COL4A1: variants seen among roughly 807,000 people sequenced by gnomAD.
The protein encoded by COL4A1 is collagen alpha-1(IV) chain.
COL4A1 carries 40 observed loss-of-function variants against 216.6 expected under a neutral mutation model. That is an observed-to-expected ratio of 0.18 (90% confidence interval 0.14 to 0.24). The LOEUF (loss-of-function observed/expected upper bound fraction) is 0.24. COL4A1 is among the 10% of genes least tolerant of loss of function. COL4A1 has a pLI of 1.00. For synonymous variants in COL4A1, 839 were observed against 810.7 expected, an observed-to-expected ratio of 1.03 and a Z score of -0.59; for missense variants, 1,628 against 2,196.8, an observed-to-expected ratio of 0.74 and a Z score of 5.18.
chr13:110,210,075 G>A (rs1354088902), intron 9 of COL4A1, 33 bp from the exon 10 acceptor site: 1 of 1,613,884 alleles, frequency 6.2e-7, no homozygotes, highest in South Asian at 1.1e-5. Context: ...GAGTTCAGAT[G>A]CGAACTGGGA....
Position 110,174,477 on chromosome 13 carries a change from C to A in COL4A1, c.3375G>T (p.Leu1125Phe). Reference sequence around the variant, plus strand: ...CTCCTTTGACACCAGGGATGCCATCCAATCCTGGGAGGCCTTTGTCACCTT... The same window carrying A: ...CTCCTTTGACACCAGGGATGCCATCAAATCCTGGGAGGCCTTTGTCACCTT... ...GEKGDKGLPG[L>F]DGIPGVKGEA... Residue 1125 changes from leucine (L) to phenylalanine (F), a missense_variant, in exon 39 of 52, where the codon TTG (leucine) becomes TTT (phenylalanine). Around this residue, in one of 8 missense-constraint regions of COL4A1, gnomAD observed 345 missense variants for 476.9 expected, o/e 0.72. Transcript: ENST00000375820. 1 of 1,614,130 alleles carries A rather than the reference C, an allele frequency of 6.2e-7. No individual in the cohort carries two copies. Among genetic ancestry groups the A allele is most frequent in the Non-Finnish European group, 8.5e-7 (1 of 1,180,022 alleles).
intron 1 of COL4A1, among the ~76,000 whole-genome samples, chr13:110,284,299 A>T (rs988270057): frequency 1.3e-5 from 2 of 152,146 alleles, no homozygotes; most frequent in African/African-American, 4.8e-5. Flanking sequence ...GAATCTGGGA[A>T]CCCACAAGCC....
At chr13:110,199,698 G>A (rs917779194) in intron 20 of COL4A1, among the ~76,000 whole-genome samples, 2 of 152,172 alleles carry the variant, frequency 1.3e-5, no homozygotes, top group African/African-American at 4.8e-5. Context: ...AGAGAGCAGC[G>A]CAGCGACTTT....
At chr13:110,202,199 A>G (rs887939775) in intron 18 of COL4A1, among the ~76,000 whole-genome samples, 4 of 151,744 alleles carry the variant, frequency 2.6e-5, no homozygotes, top group Non-Finnish European at 4.4e-5. Context: ...CCATAAACAG[A>G]ATGTTTTACT....
intron 1 of COL4A1, among the ~76,000 whole-genome samples, chr13:110,251,017 T>A (rs550577436): frequency 2.1e-4 from 32 of 152,354 alleles, no homozygotes; most frequent in Middle Eastern, 3.4e-3. Flanking sequence ...CCTGCTCCCA[T>A]CCTTTGTAAC....
intron 1 of COL4A1, among the ~76,000 whole-genome samples, chr13:110,258,991 G>A (rs1472170318): frequency 1.3e-5 from 2 of 152,230 alleles, no homozygotes; most frequent in Non-Finnish European, 2.9e-5. Context: ...CGGCGATCCT[G>A]AGCAACCTAT....
intron 1 of COL4A1, among the ~76,000 whole-genome samples, chr13:110,256,273 G>A (rs188095949): frequency 1.3e-5 from 2 of 152,144 alleles, no homozygotes; most frequent in Admixed American, 1.3e-4. Flanking sequence ...AGTCCGGGGG[G>A]AAAAACACAT....
intron 42 of COL4A1, among the ~76,000 whole-genome samples, 167 bp from the exon 43 acceptor site, chr13:110,169,929 G>GGAGGA (rs1555302275): frequency 9.2e-5 from 13 of 140,626 alleles, no homozygotes; most frequent in African/African-American, 2.9e-4. Flanking sequence ...AGGAAGGAAG[G>GGAGGA]AGGGAGGGAG....
chr13:110,206,065 A>C (rs1879501042), intron 15 of COL4A1, among the ~76,000 whole-genome samples: 1 of 152,250 alleles, frequency 6.6e-6, no homozygotes, highest in Non-Finnish European at 1.5e-5. Context: ...CTCCATTTTT[A>C]AAGAGCAGAG....
chr13:110,170,442 T>G, intron 42 of COL4A1, 105 bp downstream of exon 42: 1 of 1,279,146 alleles, frequency 7.8e-7, no homozygotes, highest in Non-Finnish European at 1.1e-6. Flanking sequence ...TGCAGACTTC[T>G]AAATAAAAAA....
chr13:110,264,937 G>A (rs895990219), intron 1 of COL4A1, among the ~76,000 whole-genome samples: 1 of 152,198 alleles, frequency 6.6e-6, no homozygotes, highest in Admixed American at 6.5e-5. Context: ...TTTCCCCATT[G>A]TCTCTCACTG....
At chr13:110,273,158 T>A (rs1380184854) in intron 1 of COL4A1, among the ~76,000 whole-genome samples, 1 of 152,248 alleles carries the variant, frequency 6.6e-6, no homozygotes, top group Non-Finnish European at 1.5e-5. Flanking sequence ...TGGGGCATTA[T>A]GGGCCTGGCA....
At position 110,288,162 on chromosome 13, in the gene COL4A1, G is replaced by T. The variant is rs567546946; in HGVS notation, c.84+18782C>A. On this transcript the variant is annotated intron_variant, in intron 1 of 51. Coordinates refer to ENST00000375820, the MANE Select transcript of COL4A1 (RefSeq NM_001845.6). The stretch of plus-strand genomic sequence containing the variant: ...ACCTGTAATCCCAGTTACTCGGGAG[G>T]CTAAGGCAGGAGAATAACTTGAACA... Among the ~76,000 whole-genome samples, 4 of 151,816 alleles carry T rather than the reference G, an allele frequency of 2.6e-5. No homozygotes were observed. In the East Asian group the frequency reaches 7.7e-4, roughly 29 times the overall value.
chr13:110,262,329 C>T (rs1401984889), intron 1 of COL4A1, among the ~76,000 whole-genome samples: 1 of 152,230 alleles, frequency 6.6e-6, no homozygotes, highest in Non-Finnish European at 1.5e-5. Context: ...CCTCCACCAT[C>T]AGCCTTCCCA....
intron 38 of COL4A1, 35 bp from the exon 39 acceptor site, chr13:110,174,561 A>G: frequency 6.2e-7 from 1 of 1,614,124 alleles, no homozygotes; most frequent in East Asian, 2.2e-5. Context: ...AACATCCATA[A>G]GTTTGGGCTT....
chr13:110,239,548 A>T (rs1016754831), intron 2 of COL4A1, among the ~76,000 whole-genome samples: 4 of 152,246 alleles, frequency 2.6e-5, no homozygotes, highest in African/African-American at 9.6e-5. Flanking sequence ...ATTTGAGAAT[A>T]TCAAAATAAT....
rs1555307238 is a variant in COL4A1, at chr13:110,214,103, A to ATT, written c.145-90_145-89dup. 52 of 1,070,478 alleles carry ATT rather than the reference A, an allele frequency of 4.9e-5. No individual in the cohort carries two copies. In the African/African-American group the frequency reaches 6.8e-4, roughly 14 times the overall value. The allele number at this position is 1,070,478 out of a possible 1,614,324, so 66.3% of individuals were successfully genotyped here. A position where few individuals can be genotyped will look rare whatever the true frequency, so the allele number is the denominator to read the frequency against. On this transcript the variant is annotated intron_variant, in intron 2 of 51. Coordinates refer to ENST00000375820, the MANE Select transcript of COL4A1 (RefSeq NM_001845.6). The stretch of plus-strand genomic sequence containing the variant: ...GACCAACTGTGATGGCTATATATAT[A>ATT]TTTTTTTTGAGATGGAGTCTCATTC...
intron 1 of COL4A1, among the ~76,000 whole-genome samples, chr13:110,290,046 C>T (rs550666721): frequency 6.6e-6 from 1 of 152,294 alleles, no homozygotes; most frequent in African/African-American, 2.4e-5. Flanking sequence ...GGGCACAGCA[C>T]CCTCGCAGGG....
intron 1 of COL4A1, among the ~76,000 whole-genome samples, chr13:110,282,026 C>T (rs1883652570): frequency 6.6e-6 from 1 of 152,226 alleles, no homozygotes; most frequent in Non-Finnish European, 1.5e-5. Context: ...TTACCATTAT[C>T]CACCTAGTCT....
Sources: gnomAD v4.1 joint callset for allele counts (sites outside exome capture counted in the v4.1 genomes callset) on GRCh38, gnomAD v4.1.1 for gene constraint, gnomAD v4.1.1 regional missense constraint, MANE v1.5 for transcripts, NCBI Gene and HGNC (gene_info 2026-07-23, HGNC 2026-07-21) for gene names.